BCAP29: variants seen among roughly 807,000 people sequenced by gnomAD.
BCAP29 encodes the protein B-cell receptor-associated protein 29.
A neutral mutation model predicts 31.8 loss-of-function variants in BCAP29; 34 were observed. The ratio of observed to expected loss-of-function variants is 1.07; its 90% CI spans 0.81 to 1.42. The LOEUF is 1.42. Ranked by LOEUF, BCAP29 falls within the 40% of genes most tolerant of loss-of-function variation. The probability of loss-of-function intolerance (pLI) is 0.00; values close to 1 mark genes in which losing one functional copy is unlikely to be tolerated. For synonymous variants in BCAP29, 104 were observed against 91.3 expected (o/e 1.14, Z -0.79); for missense variants, 314 against 269.2 (o/e 1.17, Z -1.16).
Position 107,619,470 on chromosome 7 carries a change from T to G in BCAP29, c.*1107T>G, listed in dbSNP as rs1814718715. The G allele has an allele frequency of 6.6e-6, 1 of 152,122 alleles. No homozygotes were observed. The highest frequency in any genetic ancestry group is 1.5e-5 in the Non-Finnish European group (1 of 67,972). The allele number at this position is 152,122 out of a possible 1,614,324, so 9.4% of individuals were successfully genotyped here. On this transcript the variant is annotated 3_prime_UTR_variant, in exon 8 of 8. Coordinates refer to ENST00000005259, the MANE Select transcript of BCAP29 (RefSeq NM_018844.4). ...AATACTGGAGTTTTTATTTCTCTTGTCTTTGTTACATCCTCTGTTTATTAT... is the reference window on the plus strand; with the variant it reads ...AATACTGGAGTTTTTATTTCTCTTGGCTTTGTTACATCCTCTGTTTATTAT...
intron 2 of BCAP29, among the ~76,000 whole-genome samples, chr7:107,582,638 T>A (rs1389254261): frequency 6.6e-6 from 1 of 152,152 alleles, no homozygotes; most frequent in Non-Finnish European, 1.5e-5. Flanking sequence ...TTACGGTAGT[T>A]GTTGTAATTA....
Position 107,599,246 on chromosome 7 carries a change from AATAT to A in BCAP29, c.481-1145_481-1142del, listed in dbSNP as rs1236712241. ...ACATAATTATATATATTTATATATA[AATAT>A]ATATAATTTTTATATATATATTTAT... On this transcript the variant is annotated intron_variant, in intron 5 of 7. Coordinates refer to ENST00000005259, the MANE Select transcript of BCAP29 (RefSeq NM_018844.4). 7.4e-4 allele frequency among the ~76,000 whole-genome samples: 94 copies of A among 127,542 alleles called. 7 individuals carry two copies. Among genetic ancestry groups the A allele is most frequent in the African/African-American group, 2.8e-3 (89 of 32,052 alleles). The allele number at this position is 127,542 out of a possible 152,430, so 83.7% of individuals were successfully genotyped here. A position where few individuals can be genotyped will look rare whatever the true frequency, so the allele number is the denominator to read the frequency against.
chr7:107,613,185 G>A (rs1177275345), intron 6 of BCAP29, 147 bp from the exon 7 acceptor site: 3 of 589,346 alleles, frequency 5.1e-6, no homozygotes, highest in Non-Finnish European at 8.8e-6. Context: ...TGTGTGTGAA[G>A]AGAGAGAATA....
At chr7:107,609,939 T>C (rs1812826589) in intron 6 of BCAP29, among the ~76,000 whole-genome samples, 1 of 152,244 alleles carries the variant, frequency 6.6e-6, no homozygotes, top group Admixed American at 6.5e-5. Flanking sequence ...TTAGCTGTCA[T>C]GCCAGTGCCT....
chr7:107,580,404 G>T, intron 1 of BCAP29, 103 bp downstream of exon 1: 1 of 230,736 alleles, frequency 4.3e-6, no homozygotes, highest in South Asian at 5.6e-5. Context: ...GGCCCGACCC[G>T]GCCCGGCCCG....
At chr7:107,591,373 A>C (rs1808723905) in intron 3 of BCAP29, among the ~76,000 whole-genome samples, 1 of 152,194 alleles carries the variant, frequency 6.6e-6, no homozygotes, top group Non-Finnish European at 1.5e-5. Flanking sequence ...AAATAAAAAC[A>C]GGTTAGTGGG....
rs972174941 is a variant in BCAP29, at chr7:107,585,712, G to A, written c.193+1730G>A. ...GGTTACATTAGAAACAAACTTGGCC[G>A]GGCGCGGCGGCTCACCTCTGTAATC... is the stretch of plus-strand genomic sequence containing the variant. On this transcript the variant is annotated intron_variant, in intron 3 of 7. Transcript: ENST00000005259. Among the ~76,000 whole-genome samples, 31 of 152,224 alleles carry A rather than the reference G, an allele frequency of 2.0e-4. 1 individual carries two copies. Among genetic ancestry groups the A allele is most frequent in the South Asian group, 8.3e-4 (4 of 4,826 alleles).
Position 107,595,948 on chromosome 7 carries a change from A to G in BCAP29, c.426A>G (p.Glu142=). The stretch of plus-strand genomic sequence containing the variant: ...AAGGTGTACTTAAAACTCAAGCAGA[A>G]AATACTAACAAGGCTGCCAAAAAAT... ...SNKGVLKTQA[E]NTNKAAKKFM... Residue 142 remains glutamate (E), a synonymous_variant, in exon 5 of 8, where the codon GAA becomes GAG. Coordinates refer to ENST00000005259, the MANE Select transcript of BCAP29 (RefSeq NM_018844.4). The G allele has an allele frequency of 6.3e-7, 1 of 1,594,412 alleles. No homozygotes were observed. Among genetic ancestry groups the G allele is most frequent in the East Asian group, 2.3e-5 (1 of 44,200 alleles).
downstream of BCAP29, chr7:107,620,727 CA>C (rs1446165853): frequency 2.6e-5 from 4 of 152,138 alleles, no homozygotes; most frequent in East Asian, 7.7e-4. Flanking sequence ...GTTGTTTGTC[CA>C]GCTCTATCTT....
At chr7:107,593,186 G>A (rs1409068144) in intron 3 of BCAP29, among the ~76,000 whole-genome samples, 4 of 152,144 alleles carry the variant, frequency 2.6e-5, no homozygotes, top group African/African-American at 9.7e-5. Flanking sequence ...CATGAAAGGG[G>A]AGCATTCAAA....
At chr7:107,599,205 T>TATATATATTTATA (rs1284311701) in intron 5 of BCAP29, among the ~76,000 whole-genome samples, 3 of 127,410 alleles carry the variant, frequency 2.4e-5, no homozygotes, top group Admixed American at 9.1e-5. Context: ...AAATACATAT[T>TATATATATTTATA]TATAAATATA....
chr7:107,612,116 A>C (rs1761854646), intron 6 of BCAP29, among the ~76,000 whole-genome samples: 1 of 152,008 alleles, frequency 6.6e-6, no homozygotes. Context: ...GGAACCTATA[A>C]TTTTATTTCA....
chr7:107,613,056 A>G (rs59542667), intron 6 of BCAP29, among the ~76,000 whole-genome samples: 6,319 of 152,242 alleles, frequency 0.042, 157 homozygotes, highest in Middle Eastern at 0.061. Flanking sequence ...TTTGGTGACT[A>G]TACTATGGTT....
chr7:107,599,738 T>A (rs1810805752), intron 5 of BCAP29, among the ~76,000 whole-genome samples: 1 of 152,140 alleles, frequency 6.6e-6, no homozygotes, highest in Admixed American at 6.5e-5. Context: ...ATAATTTTAT[T>A]TTGATCAGTT....
chr7:107,595,592 C>G (rs1809664144), intron 4 of BCAP29, among the ~76,000 whole-genome samples: 1 of 152,164 alleles, frequency 6.6e-6, no homozygotes. Flanking sequence ...TTTCCTGTTT[C>G]TATTCCTCCA....
In BCAP29 at chr7:107,618,486, A is replaced by G. The variant is rs139945433; in HGVS notation, c.*123A>G. 1.2e-6 allele frequency: 2 copies of G among 1,612,642 alleles called. No homozygotes were observed. The highest frequency in any genetic ancestry group is 1.1e-5 in the South Asian group (1 of 91,020). Reference sequence around the variant, plus strand: ...GTTCGTAATTTTTTTAATGCCACACATAGGTTGTATTGTAATGGCATTATC... The same window carrying G: ...GTTCGTAATTTTTTTAATGCCACACGTAGGTTGTATTGTAATGGCATTATC... On this transcript the variant is annotated 3_prime_UTR_variant, in exon 8 of 8. Transcript: ENST00000005259.
intron 6 of BCAP29, among the ~76,000 whole-genome samples, chr7:107,603,781 A>AT (rs1811604286): frequency 2.0e-5 from 3 of 150,946 alleles, no homozygotes; most frequent in Non-Finnish European, 4.4e-5. Context: ...AATTTTTTTG[A>AT]TTTTTTGTAA....
intron 5 of BCAP29, among the ~76,000 whole-genome samples, chr7:107,596,567 A>G (rs1809852683): frequency 6.6e-6 from 1 of 152,146 alleles, no homozygotes; most frequent in East Asian, 1.9e-4. Context: ...TTTGATTGAT[A>G]GTGTTAACTA....
intron 3 of BCAP29, chr7:107,587,548 G>A (rs993806408): frequency 3.3e-5 from 5 of 151,938 alleles, no homozygotes; most frequent in South Asian, 2.1e-4. Context: ...ATCTTTGTTG[G>A]TTTTTTGGTA....
Sources: allele counts gnomAD v4.1 joint callset (sites outside exome capture counted in the v4.1 genomes callset), GRCh38; gene constraint gnomAD v4.1.1; transcripts MANE v1.5; gene names NCBI Gene and HGNC (gene_info 2026-07-23, HGNC 2026-07-21).